The following GLIS3 variants were observed in gnomAD, a reference collection of about 807,000 sequenced individuals.
The protein encoded by GLIS3 is zinc finger protein GLIS3.
GLIS3 carries 53 observed loss-of-function variants against 78.6 expected under a neutral mutation model. That is an observed-to-expected ratio of 0.67 (90% CI 0.54 to 0.85). The LOEUF (loss-of-function observed/expected upper bound fraction) is 0.85. Ranked by LOEUF, GLIS3 falls within the 40% of genes least tolerant of loss-of-function variation. The pLI, the probability that GLIS3 is intolerant of heterozygous loss-of-function variation, is 0.00. For missense variants in GLIS3, 1,703 were observed against 1,231.1 expected, an observed-to-expected ratio of 1.38 and a Z score of -5.74; for synonymous variants, 684 against 509.9, an observed-to-expected ratio of 1.34 and a Z score of -4.60.
upstream of GLIS3, among the ~76,000 whole-genome samples, chr9:4,301,391 T>G (rs909541005): frequency 1.6e-4 from 24 of 152,190 alleles, no homozygotes; most frequent in Non-Finnish European, 3.1e-4. Context: ...AAAATACTCA[T>G]AAAATGAAGC....
At chr9:4,408,469 C>T in the GLIS3 span, among the ~76,000 whole-genome samples, 2 of 151,558 alleles carry the variant, frequency 1.3e-5, no homozygotes, top group African/African-American at 4.9e-5. Context: ...TTGGCTCAGC[C>T]TGTAATCCCA....
chr9:3,914,284 T>A (rs1395493465), intron 6 of GLIS3, among the ~76,000 whole-genome samples: 6 of 151,932 alleles, frequency 3.9e-5, no homozygotes, highest in African/African-American at 7.3e-5. Context: ...TAGCTGGGAC[T>A]ACAGCTGTAC....
intron 4 of GLIS3, among the ~76,000 whole-genome samples, chr9:4,078,324 C>T (rs1828249001): frequency 6.6e-6 from 1 of 152,102 alleles, no homozygotes; most frequent in South Asian, 2.1e-4. Flanking sequence ...CCCATTCCAC[C>T]AGATGCTTCT....
intron 4 of GLIS3, among the ~76,000 whole-genome samples, chr9:3,999,924 T>C (rs531459568): frequency 3.2e-4 from 49 of 152,092 alleles, no homozygotes; most frequent in Non-Finnish European, 6.8e-4. Context: ...TGGAAAAGAA[T>C]AGGGGTCCCA....
chr9:4,262,138 G>A (rs984597377), intron 2 of GLIS3, among the ~76,000 whole-genome samples: 1 of 152,034 alleles, frequency 6.6e-6, no homozygotes, highest in African/African-American at 2.4e-5. Flanking sequence ...GAGTGCTCTC[G>A]GATCTGGGAG....
At chr9:4,333,864 G>A (rs2130571078) in intron 2 of GLIS3, among the ~76,000 whole-genome samples, 1 of 151,494 alleles carries the variant, frequency 6.6e-6, no homozygotes, top group African/African-American at 2.4e-5. Context: ...TTACAAAAAG[G>A]TGCGATTTCA....
intron 4 of GLIS3, among the ~76,000 whole-genome samples, chr9:4,064,416 G>C (rs1387489310): frequency 3.9e-5 from 6 of 152,140 alleles, no homozygotes; most frequent in Non-Finnish European, 8.8e-5. Context: ...ACAAAGCACA[G>C]AAATGATACT....
chr9:4,026,596 A>C (rs1823367728), intron 4 of GLIS3, among the ~76,000 whole-genome samples: 1 of 152,230 alleles, frequency 6.6e-6, no homozygotes, highest in South Asian at 2.1e-4. Flanking sequence ...TGCATACATA[A>C]TGCAGTTCAA....
At chr9:4,297,873 G>A (rs1436300846) in intron 1 of GLIS3, among the ~76,000 whole-genome samples, 2 of 152,248 alleles carry the variant, frequency 1.3e-5, no homozygotes, top group South Asian at 2.1e-4. Flanking sequence ...GGAGGAGGGC[G>A]GCCCTTATCG....
intron 4 of GLIS3, among the ~76,000 whole-genome samples, chr9:4,101,671 A>G (rs1830382686): frequency 6.6e-6 from 1 of 152,174 alleles, no homozygotes; most frequent in African/African-American, 2.4e-5. Context: ...TTGTTTTTAA[A>G]CTGTTTCCAA....
At chr9:4,320,300 G>C (rs772942236) in intron 2 of GLIS3, among the ~76,000 whole-genome samples, 1 of 152,006 alleles carries the variant, frequency 6.6e-6, no homozygotes. Context: ...GCTGACTTTT[G>C]GATAATAAAG....
intron 2 of GLIS3, among the ~76,000 whole-genome samples, chr9:4,336,305 G>A (rs1817756638): frequency 6.6e-6 from 1 of 152,160 alleles, no homozygotes; most frequent in African/African-American, 2.4e-5. Context: ...AGATCTCTAT[G>A]GCTAAGCTAT....
intron 4 of GLIS3, among the ~76,000 whole-genome samples, chr9:3,985,429 T>C (rs1186052797): frequency 6.6e-6 from 1 of 152,216 alleles, no homozygotes; most frequent in Admixed American, 6.5e-5. Flanking sequence ...ATTACAGGTG[T>C]AAGCCACTGC....
At chr9:3,911,147 T>G (rs1824122747) in intron 6 of GLIS3, among the ~76,000 whole-genome samples, 1 of 152,096 alleles carries the variant, frequency 6.6e-6, no homozygotes, top group African/African-American at 2.4e-5. Flanking sequence ...CCTCCCTTCC[T>G]TCCGCACTAT....
At chr9:4,357,581 G>GTGTGTA in the GLIS3 span, among the ~76,000 whole-genome samples, 1 of 151,898 alleles carries the variant, frequency 6.6e-6, no homozygotes, top group African/African-American at 2.4e-5. Context: ...GTGTGTGTGT[G>GTGTGTA]TGTGTGTGCA....
At chr9:4,429,839 G>C in the GLIS3 span, among the ~76,000 whole-genome samples, 1 of 152,108 alleles carries the variant, frequency 6.6e-6, no homozygotes, top group Admixed American at 6.6e-5. Flanking sequence ...GAGAAGATGA[G>C]AGCCTGAAAC....
At chr9:4,339,949 G>A (rs991871794) in intron 2 of GLIS3, among the ~76,000 whole-genome samples, 1 of 148,436 alleles carries the variant, frequency 6.7e-6, no homozygotes, top group African/African-American at 2.5e-5. Flanking sequence ...TAGTTTCCTA[G>A]AGTGAACTTA....
chr9:4,336,178 T>C (rs1817753430), intron 2 of GLIS3, among the ~76,000 whole-genome samples: 1 of 152,212 alleles, frequency 6.6e-6, no homozygotes, highest in Non-Finnish European at 1.5e-5. Context: ...CCAACTCTTC[T>C]CCCTGACCTA....
At chr9:4,025,200 C>G (rs1823227713) in intron 4 of GLIS3, among the ~76,000 whole-genome samples, 1 of 151,438 alleles carries the variant, frequency 6.6e-6, no homozygotes, top group African/African-American at 2.4e-5. Flanking sequence ...TGCAGTGAGC[C>G]AAGATGGCGG....
Sources: allele counts gnomAD v4.1 joint callset (sites outside exome capture counted in the v4.1 genomes callset), GRCh38; gene constraint gnomAD v4.1.1; transcripts MANE v1.5; gene names NCBI Gene and HGNC (gene_info 2026-07-23, HGNC 2026-07-21).